DPY19L2: variants seen among roughly 807,000 people sequenced by gnomAD.
DPY19L2 encodes the protein probable C-mannosyltransferase DPY19L2.
Under a neutral mutation model 97.9 loss-of-function variants are expected in DPY19L2, and 34 were observed. That is an observed-to-expected ratio of 0.35 (90% confidence interval 0.26 to 0.46). The LOEUF (loss-of-function observed/expected upper bound fraction) is 0.46. DPY19L2 is among the 20% of genes least tolerant of loss of function. DPY19L2 has a pLI of 1.00. For missense variants in DPY19L2, 623 were observed against 911.4 expected (o/e 0.68, Z 4.07); for synonymous variants, 230 against 307.9 (o/e 0.75, Z 2.65).
At chr12:63,644,880 T>A (rs1255090287) in intron 5 of DPY19L2, among the ~76,000 whole-genome samples, 1 of 152,150 alleles carries the variant, frequency 6.6e-6, no homozygotes, top group African/African-American at 2.4e-5. Context: ...ATGCTGCTAG[T>A]GTTCAGTGTC....
intron 6 of DPY19L2, among the ~76,000 whole-genome samples, chr12:63,640,501 T>C (rs1892528614): frequency 6.6e-6 from 1 of 152,198 alleles, no homozygotes; most frequent in Non-Finnish European, 1.5e-5. Flanking sequence ...ACCAAAAGAA[T>C]AGAAGCGGAA....
At chr12:63,619,103 A>G in intron 9 of DPY19L2, among the ~76,000 whole-genome samples, 1 of 152,086 alleles carries the variant, frequency 6.6e-6, no homozygotes. Context: ...GTTCAAGGAA[A>G]TAACTGATAG....
chr12:63,581,174 C>T (rs1426541539), intron 18 of DPY19L2, among the ~76,000 whole-genome samples: 1 of 152,092 alleles, frequency 6.6e-6, no homozygotes, highest in African/African-American at 2.4e-5. Context: ...CTTTTGTGGA[C>T]ATGGTTAGTA....
chr12:63,656,362 A>G (rs1249435991), intron 4 of DPY19L2, among the ~76,000 whole-genome samples: 1 of 152,150 alleles, frequency 6.6e-6, no homozygotes, highest in African/African-American at 2.4e-5. Flanking sequence ...TCCCTAGTCT[A>G]TTCATTCTGT....
chr12:63,604,619 C>T (rs1259738405), intron 12 of DPY19L2, among the ~76,000 whole-genome samples: 2 of 152,096 alleles, frequency 1.3e-5, no homozygotes, highest in Non-Finnish European at 2.9e-5. Context: ...AATATTCACT[C>T]TGCTACCAAG....
intron 5 of DPY19L2, among the ~76,000 whole-genome samples, chr12:63,646,505 G>A (rs1893429418): frequency 6.6e-6 from 1 of 152,030 alleles, no homozygotes; most frequent in South Asian, 2.1e-4. Context: ...TTACAAACAA[G>A]TCTAAAAATT....
Position 63,568,978 on chromosome 12 carries a change from G to A in DPY19L2, c.2126+246C>T, listed in dbSNP as rs532478822. Among the ~76,000 whole-genome samples the A allele has an allele frequency of 3.3e-5, 5 of 151,888 alleles. No individual in the cohort carries two copies. The East Asian group carries it at 9.7e-4, about 29-fold the overall frequency. ...AAATATTTCAAAAATTATGAAAAAAGCTAAGTGGAAGATGTTAAATTGAAA... is the reference window on the plus strand; with the variant it reads ...AAATATTTCAAAAATTATGAAAAAAACTAAGTGGAAGATGTTAAATTGAAA... On this transcript the variant is annotated intron_variant, in intron 21 of 21. Coordinates refer to ENST00000324472, the MANE Select transcript of DPY19L2 (RefSeq NM_173812.5).
chr12:63,562,246 A>G (rs1184691524), intron 21 of DPY19L2, among the ~76,000 whole-genome samples: 2 of 152,094 alleles, frequency 1.3e-5, no homozygotes, highest in Non-Finnish European at 2.9e-5. Context: ...CCAAAAGTTT[A>G]CTTCTGCCCT....
intron 16 of DPY19L2, among the ~76,000 whole-genome samples, chr12:63,586,550 G>A (rs1255045462): frequency 2.0e-5 from 3 of 152,186 alleles, no homozygotes; most frequent in African/African-American, 7.2e-5. Flanking sequence ...GCCTGAGTAC[G>A]AATTCTGCCT....
At chr12:63,649,293 C>T (rs1212524600) in intron 4 of DPY19L2, among the ~76,000 whole-genome samples, 1 of 151,938 alleles carries the variant, frequency 6.6e-6, no homozygotes, top group African/African-American at 2.4e-5. Flanking sequence ...GCAAACCAAC[C>T]CGAAATCTAG....
rs999647789 is a variant in DPY19L2 at position 63,643,987 on chromosome 12, T to C, written c.803+416A>G. Among the ~76,000 whole-genome samples, 10 of 152,326 alleles carry C rather than the reference T, an allele frequency of 6.6e-5. No individual in the cohort carries two copies. In the South Asian group the frequency reaches 8.3e-4, roughly 13 times the overall value. ...CTTCATCGTGGTACTCTTATCAAGA[T>C]AGACATGCTAGCAGATGTAAGTGCC... On this transcript the variant is annotated intron_variant, in intron 6 of 21. Coordinates refer to ENST00000324472, the MANE Select transcript of DPY19L2 (RefSeq NM_173812.5).
intron 6 of DPY19L2, among the ~76,000 whole-genome samples, chr12:63,641,557 A>C (rs1892705418): frequency 6.6e-6 from 1 of 152,132 alleles, no homozygotes; most frequent in African/African-American, 2.4e-5. Context: ...GGAAGTATGG[A>C]GTATTTTTTT....
chr12:63,629,798 G>C (rs888100682), intron 6 of DPY19L2, among the ~76,000 whole-genome samples: 1 of 152,168 alleles, frequency 6.6e-6, no homozygotes, highest in African/African-American at 2.4e-5. Flanking sequence ...AGGAAAAACT[G>C]TTAAGGGCAG....
chr12:63,668,487 A>G lies in DPY19L2; in HGVS notation c.-94T>C, dbSNP rs1896604690. ...AGACCTGACTCGCCTGGCAGCCTCA[A>G]CGGACTTGTCCCCGCAGCCGTTGCG... On this transcript the variant is annotated 5_prime_UTR_variant, in exon 1 of 22. Coordinates refer to ENST00000324472, the MANE Select transcript of DPY19L2 (RefSeq NM_173812.5). 7.8e-7 allele frequency: 1 copy of G among 1,283,538 alleles called. No individual in the cohort carries two copies. The highest frequency in any genetic ancestry group is 1.0e-6 in the Non-Finnish European group (1 of 957,432). The allele number at this position is 1,283,538 out of a possible 1,614,324, so 79.5% of individuals were successfully genotyped here. A position where few individuals can be genotyped will look rare whatever the true frequency, so the allele number is the denominator to read the frequency against.
At chr12:63,637,722 T>C (rs909401529) in intron 6 of DPY19L2, among the ~76,000 whole-genome samples, 4 of 152,026 alleles carry the variant, frequency 2.6e-5, no homozygotes, top group Non-Finnish European at 5.9e-5. Flanking sequence ...ACTAATAGCC[T>C]ACCAACCAAA....
intron 16 of DPY19L2, among the ~76,000 whole-genome samples, chr12:63,585,188 A>G (rs1312044425): frequency 1.3e-5 from 2 of 152,116 alleles, no homozygotes; most frequent in African/African-American, 4.8e-5. Flanking sequence ...GACAAGAGGT[A>G]GGAGACTGCC....
chr12:63,595,888 C>T, intron 15 of DPY19L2, 78 bp downstream of exon 15: 1 of 1,316,940 alleles, frequency 7.6e-7, no homozygotes, highest in Non-Finnish European at 1.0e-6. Flanking sequence ...CTAAAAATAA[C>T]ATGGAATTCT....
chr12:63,612,424 ATCACAT>A (rs1887158651), intron 11 of DPY19L2, among the ~76,000 whole-genome samples: 2 of 152,092 alleles, frequency 1.3e-5, no homozygotes, highest in African/African-American at 4.8e-5. Flanking sequence ...AGATTTCTAT[ATCACAT>A]GTTTAAGTAA....
At chr12:63,650,467 A>G (rs1164332945) in intron 4 of DPY19L2, among the ~76,000 whole-genome samples, 2 of 152,208 alleles carry the variant, frequency 1.3e-5, no homozygotes, top group African/African-American at 2.4e-5. Flanking sequence ...TTAAAACTTC[A>G]GCAAACTTTC....
Sources: allele counts gnomAD v4.1 joint callset (sites outside exome capture counted in the v4.1 genomes callset), GRCh38; gene constraint gnomAD v4.1.1; transcripts MANE v1.5; gene names NCBI Gene and HGNC (gene_info 2026-07-23, HGNC 2026-07-21).